Variants in CEP164 observed in about 807,000 individuals in gnomAD.
CEP164 encodes centrosomal protein 164.
CEP164 carries 162 observed loss-of-function variants against 182.7 expected under a neutral mutation model. The ratio of observed to expected loss-of-function variants is 0.89; its 90% CI spans 0.78 to 1.01. The LOEUF is 1.01. Among genes scored for constraint, CEP164 ranks in the 50% least tolerant of loss-of-function variants. The probability of loss-of-function intolerance (pLI) is 0.00; values close to 1 mark genes in which losing one functional copy is unlikely to be tolerated. For missense variants in CEP164, 1,735 were observed against 1,790.4 expected (o/e 0.97, Z 0.56); for synonymous variants, 661 against 690.0 (o/e 0.96, Z 0.66).
intron 4 of CEP164, among the ~76,000 whole-genome samples, chr11:117,345,692 CTT>C (rs544201814): frequency 6.8e-6 from 1 of 146,936 alleles, no homozygotes; most frequent in African/African-American, 2.5e-5. Flanking sequence ...GTTTCTTGAT[CTT>C]TTTTTTTTTG....
chr11:117,330,230 T>C (rs1384873581), intron 1 of CEP164, among the ~76,000 whole-genome samples: 1 of 152,222 alleles, frequency 6.6e-6, no homozygotes, highest in Non-Finnish European at 1.5e-5. Context: ...CTTTAATTCA[T>C]GTAACACATT....
chr11:117,345,791 G>A (rs191127901), intron 4 of CEP164, among the ~76,000 whole-genome samples: 3 of 151,854 alleles, frequency 2.0e-5, no homozygotes, highest in African/African-American at 7.3e-5. Flanking sequence ...GAGGTGGAGC[G>A]ATTCTCCTGC....
intron 27 of CEP164, among the ~76,000 whole-genome samples, chr11:117,400,325 G>A (rs1565610613): frequency 6.6e-6 from 1 of 152,120 alleles, no homozygotes; most frequent in East Asian, 1.9e-4. Context: ...TGAGGCCTCT[G>A]TTCTGTTCTA....
intron 2 of CEP164, among the ~76,000 whole-genome samples, chr11:117,337,813 C>CCTCAGTGA (rs1409581130): frequency 2.6e-5 from 4 of 152,182 alleles, no homozygotes; most frequent in Non-Finnish European, 4.4e-5. Context: ...TCACCAGAGC[C>CCTCAGTGA]CTCAGTGACT....
intron 5 of CEP164, chr11:117,355,378 A>G (rs1193876996): frequency 1.6e-6 from 2 of 1,289,824 alleles, no homozygotes; most frequent in Admixed American, 2.3e-5. Context: ...GGCTTCTCCA[A>G]AATATGCAGG....
intron 19 of CEP164, 38 bp from the exon 20 acceptor site, chr11:117,392,966 C>T (rs370098375): frequency 2.9e-5 from 47 of 1,610,048 alleles, no homozygotes; most frequent in Non-Finnish European, 3.5e-5. Context: ...TGGTCCGCCT[C>T]GGTTCTTCAT....
chr11:117,337,427 A>G (rs1433266428), intron 2 of CEP164, among the ~76,000 whole-genome samples: 1 of 151,168 alleles, frequency 6.6e-6, no homozygotes, highest in Non-Finnish European at 1.5e-5. Context: ...TATTTTTCTT[A>G]CTTTGAGAGG....
chr11:117,362,540 T>A lies in CEP164; in HGVS notation c.687+2T>A, dbSNP rs780188564. 1 of 1,613,004 alleles carries A rather than the reference T, an allele frequency of 6.2e-7. No individual in the cohort carries two copies. ...GATGAGGAGGAAAGTGACAACCAGG[T>A]AATGATGAAGTCCTCTCCCTGGCCT... On this transcript the variant is annotated splice_donor_variant, in intron 7 of 32. Transcript: ENST00000278935. LOFTEE classifies it high-confidence loss of function.
intron 4 of CEP164, among the ~76,000 whole-genome samples, chr11:117,348,990 A>G (rs1300272839): frequency 6.6e-6 from 1 of 152,148 alleles, no homozygotes; most frequent in African/African-American, 2.4e-5. Context: ...AGGCTGAATA[A>G]TATTCCATTG....
In CEP164 at chr11:117,344,212, A is replaced by G. The variant is rs762888111; in HGVS notation, c.129A>G (p.Glu43=). ...AREIGIDPIK[E]PELMWLAREG... Reference sequence around the variant, plus strand: ...AGATTGGTATTGATCCCATCAAGGAACCAGAACTGATGTGGCTGGCGCGAG... The same window carrying G: ...AGATTGGTATTGATCCCATCAAGGAGCCAGAACTGATGTGGCTGGCGCGAG... The change falls in exon 4 of 33, where the codon GAA becomes GAG. Residue 43 remains glutamate, a synonymous_variant. Coordinates refer to ENST00000278935, the MANE Select transcript of CEP164 (RefSeq NM_014956.5). 6 of 1,613,714 alleles carry G rather than the reference A, an allele frequency of 3.7e-6. No individual in the cohort carries two copies. The East Asian group carries it at 1.3e-4, about 36-fold the overall frequency.
intron 18 of CEP164, 94 bp from the exon 19 acceptor site, chr11:117,392,402 G>T (rs997372733): frequency 6.4e-7 from 1 of 1,565,732 alleles, no homozygotes; most frequent in African/African-American, 1.3e-5. Context: ...AGCCCTGGGG[G>T]ATGGATGCCA....
chr11:117,390,333 G>A (rs1362609514), intron 15 of CEP164, among the ~76,000 whole-genome samples: 1 of 152,070 alleles, frequency 6.6e-6, no homozygotes, highest in African/African-American at 2.4e-5. Context: ...TAGAGGCTAA[G>A]GTTAGACTCA....
chr11:117,396,195 G>T lies in CEP164; in HGVS notation c.3216+15G>T. The T allele has an allele frequency of 6.5e-7, 1 of 1,541,788 alleles. No individual in the cohort carries two copies. The highest frequency in any genetic ancestry group is 1.1e-5 in the South Asian group (1 of 90,386). ...CCCTTGGAACAGTGAGCTGGGGGCT[G>T]GGGCCTGGGGGCTGGGGCACCAGGA... On this transcript the variant is annotated intron_variant, in intron 25 of 32. Transcript: ENST00000278935.
chr11:117,349,746 C>T (rs1394612998), intron 4 of CEP164, among the ~76,000 whole-genome samples: 2 of 152,052 alleles, frequency 1.3e-5, no homozygotes. Context: ...GAGGAACCCC[C>T]ATGCTATTTA....
intron 14 of CEP164, chr11:117,385,320 C>T (rs2043821372): frequency 6.6e-6 from 1 of 152,272 alleles, no homozygotes; most frequent in Admixed American, 6.5e-5. Flanking sequence ...CCCCTGGAGT[C>T]CTCAACTTCC....
intron 9 of CEP164, among the ~76,000 whole-genome samples, chr11:117,372,423 CT>C (rs551502266): frequency 1.8e-4 from 25 of 142,042 alleles, no homozygotes; most frequent in African/African-American, 1.6e-4. Flanking sequence ...CCTTGTACTT[CT>C]TTTTTTTTTT....
chr11:117,322,888 C>T (rs1260587128), upstream of CEP164, among the ~76,000 whole-genome samples: 1 of 150,094 alleles, frequency 6.7e-6, no homozygotes, highest in Non-Finnish European at 1.5e-5. Context: ...GCTTCAGCCT[C>T]CTAAGTAGCT....
Position 117,392,574 on chromosome 11 carries a change from G to A in CEP164, c.2440G>A (p.Val814Met). 1 of 1,614,200 alleles carries A rather than the reference G, an allele frequency of 6.2e-7. No individual in the cohort carries two copies. The change falls in exon 19 of 33, where the codon GTG becomes ATG. Residue 814 changes from valine to methionine, a missense_variant. Physicochemically the swap from Val to Met is conservative, Grantham distance 21. Transcript: ENST00000278935. Reference sequence around the variant, plus strand: ...CCAGCTGCAGAAGTGCCTTGGGCAAGTGGAGCACAGAGTTCACCAGAAGTC... The same window carrying A: ...CCAGCTGCAGAAGTGCCTTGGGCAAATGGAGCACAGAGTTCACCAGAAGTC... The part of the protein sequence containing the change: ...EAQLQKCLGQ[V>M]EHRVHQKSYH...
chr11:117,384,280 A>G (rs944551515), intron 14 of CEP164, among the ~76,000 whole-genome samples: 3 of 152,228 alleles, frequency 2.0e-5, no homozygotes, highest in African/African-American at 2.4e-5. Flanking sequence ...ACGTGAGCTC[A>G]GGATCTCATG....
Sources: gnomAD v4.1 joint callset for allele counts (sites outside exome capture counted in the v4.1 genomes callset) on GRCh38, gnomAD v4.1.1 for gene constraint, MANE v1.5 for transcripts, NCBI Gene and HGNC (gene_info 2026-07-23, HGNC 2026-07-21) for gene names.